CADM1: variants seen among roughly 807,000 people sequenced by gnomAD.
CADM1 encodes TSLC-1.
In CADM1, 15 loss-of-function variants were observed where a neutral mutation model predicts 53.1. The observed-to-expected ratio is 0.28, with a 90% CI of 0.19 to 0.44. CADM1 has a LOEUF of 0.44. CADM1 is among the 20% of genes least tolerant of loss of function. The pLI is 1.00. For missense variants in CADM1, 434 were observed against 611.3 expected, an observed-to-expected ratio of 0.71 and a Z score of 3.06; for synonymous variants, 281 against 243.0, an observed-to-expected ratio of 1.16 and a Z score of -1.45.
At chr11:115,377,871 T>C (rs1314710483) in intron 1 of CADM1, 6 of 152,170 alleles carry the variant, frequency 3.9e-5, no homozygotes, top group Non-Finnish European at 8.8e-5. Context: ...AGAAAAAAAC[T>C]TCTCAAAATC....
intron 1 of CADM1, 45 bp downstream of exon 1, chr11:115,504,226 T>C (rs1949800499): frequency 6.4e-7 from 1 of 1,559,048 alleles, no homozygotes; most frequent in East Asian, 2.4e-5. Context: ...GCTACTGGGG[T>C]GCCTTCGGAG....
chr11:115,475,275 A>AT (rs747796767), intron 1 of CADM1, among the ~76,000 whole-genome samples: 10 of 151,488 alleles, frequency 6.6e-5, no homozygotes, highest in South Asian at 2.1e-4. Flanking sequence ...TTTTAATTTT[A>AT]TTTTTTTTCC....
chr11:115,446,141 T>C (rs754679982), intron 1 of CADM1, among the ~76,000 whole-genome samples: 2 of 152,188 alleles, frequency 1.3e-5, no homozygotes, highest in Non-Finnish European at 2.9e-5. Flanking sequence ...CTATCATTTA[T>C]AGAACACCTA....
chr11:115,422,542 G>A (rs1337741366), intron 1 of CADM1, among the ~76,000 whole-genome samples: 2 of 152,110 alleles, frequency 1.3e-5, no homozygotes, highest in Non-Finnish European at 2.9e-5. Context: ...TCTCAACAGG[G>A]ACAACATGGC....
intron 1 of CADM1, among the ~76,000 whole-genome samples, chr11:115,257,453 T>C (rs1942827569): frequency 6.6e-6 from 1 of 152,236 alleles, no homozygotes; most frequent in South Asian, 2.1e-4. Context: ...CTTCCTGACA[T>C]GTCAAAAGCA....
chr11:115,209,862 A>C (rs917269777), intron 7 of CADM1, among the ~76,000 whole-genome samples: 3 of 152,136 alleles, frequency 2.0e-5, no homozygotes, highest in African/African-American at 7.2e-5. Flanking sequence ...AAGAAAAGAG[A>C]ATTTTCATTA....
chr11:115,422,717 T>C (rs1047895243), intron 1 of CADM1, among the ~76,000 whole-genome samples: 11 of 152,196 alleles, frequency 7.2e-5, no homozygotes, highest in Admixed American at 1.3e-4. Context: ...TTTGAAAACA[T>C]AAGAGAAAAA....
Position 115,491,087 on chromosome 11 carries a change from T to TA in CADM1, c.124+13183dup, listed in dbSNP as rs373296241. ...ACTTAAAAGTAAATTATACTGCAAT[T>TA]AAAAAAAAAAGTTGGAAGAATTGGG... is the stretch of plus-strand genomic sequence containing the variant. On this transcript the variant is annotated intron_variant, in intron 1 of 11. Coordinates refer to ENST00000331581, the MANE Select transcript of CADM1 (RefSeq NM_001301043.2). Among the ~76,000 whole-genome samples, 248 of 148,668 alleles carry TA rather than the reference T, an allele frequency of 1.7e-3. 2 individuals carry two copies. Among genetic ancestry groups the TA allele is most frequent in the African/African-American group, 5.2e-3 (213 of 40,654 alleles).
intron 11 of CADM1, among the ~76,000 whole-genome samples, chr11:115,177,508 A>G (rs983207048): frequency 3.3e-5 from 5 of 152,154 alleles, no homozygotes; most frequent in Admixed American, 6.5e-5. Flanking sequence ...GACATTTGCT[A>G]TATTTTCAGG....
At chr11:115,236,815 G>C (rs1304087216) in intron 3 of CADM1, among the ~76,000 whole-genome samples, 1 of 152,116 alleles carries the variant, frequency 6.6e-6, no homozygotes, top group African/African-American at 2.4e-5. Flanking sequence ...CACAAAGGTT[G>C]TAATTTTAAG....
intron 1 of CADM1, among the ~76,000 whole-genome samples, chr11:115,476,594 A>C (rs1949137010): frequency 6.6e-6 from 1 of 152,194 alleles, no homozygotes; most frequent in Non-Finnish European, 1.5e-5. Flanking sequence ...CCTAGAATTA[A>C]ACATTCTGTA....
intron 1 of CADM1, among the ~76,000 whole-genome samples, chr11:115,503,117 G>C (rs543480584): frequency 6.6e-6 from 1 of 152,272 alleles, no homozygotes; most frequent in East Asian, 1.9e-4. Flanking sequence ...AGAGGACGCC[G>C]CGCGGCTGCC....
At chr11:115,226,918 G>A (rs1646277166) in intron 5 of CADM1, among the ~76,000 whole-genome samples, 1 of 152,204 alleles carries the variant, frequency 6.6e-6, no homozygotes, top group Non-Finnish European at 1.5e-5. Context: ...TAGGAGTGGA[G>A]GGTAGTGAAC....
At chr11:115,409,634 T>C (rs1031185786) in intron 1 of CADM1, among the ~76,000 whole-genome samples, 1 of 151,942 alleles carries the variant, frequency 6.6e-6, no homozygotes, top group African/African-American at 2.4e-5. Context: ...AAATCTGACC[T>C]GGTGGTCAAA....
In CADM1 at chr11:115,176,560, C is replaced by T. The variant is rs1565278271; in HGVS notation, c.1330G>A (p.Asp444Asn). ...TYFTHEAKGA[D>N]DAADADTAII... ...GCTGTGTCTGCGTCTGCTGCGTCAT[C>T]GGCTCCTTTGGCTTCATGAGTGAAG... The change falls in exon 12 of 12, where the codon GAT becomes AAT. Residue 444 changes from aspartate (D) to asparagine (N), a missense_variant. By Grantham distance (23) the Asp-to-Asn change is conservative (BLOSUM62 1). Coordinates refer to ENST00000331581, the MANE Select transcript of CADM1 (RefSeq NM_001301043.2). 3 of 1,614,072 alleles carry T rather than the reference C, an allele frequency of 1.9e-6. No homozygotes were observed. The highest frequency in any genetic ancestry group is 2.5e-6 in the Non-Finnish European group (3 of 1,179,976).
At chr11:115,493,253 C>T (rs985512957) in intron 1 of CADM1, among the ~76,000 whole-genome samples, 11 of 148,962 alleles carry the variant, frequency 7.4e-5, no homozygotes, top group African/African-American at 2.5e-4. Context: ...ATGAAACATA[C>T]CATACTGAAC....
At chr11:115,441,657 C>A (rs937482362) in intron 1 of CADM1, among the ~76,000 whole-genome samples, 1 of 152,094 alleles carries the variant, frequency 6.6e-6, no homozygotes, top group Non-Finnish European at 1.5e-5. Context: ...CACTTGGATG[C>A]TACAGGCTAA....
At chr11:115,485,608 G>A (rs1949356286) in intron 1 of CADM1, among the ~76,000 whole-genome samples, 1 of 152,138 alleles carries the variant, frequency 6.6e-6, no homozygotes, top group Non-Finnish European at 1.5e-5. Flanking sequence ...TTTATAAGGG[G>A]AAACCCCTTT....
chr11:115,386,937 G>A (rs945944652), intron 1 of CADM1, among the ~76,000 whole-genome samples: 1 of 152,156 alleles, frequency 6.6e-6, no homozygotes, highest in Non-Finnish European at 1.5e-5. Flanking sequence ...TTTATCACCA[G>A]TAAGCTAGCA....
Sources: gnomAD v4.1 joint callset for allele counts (sites outside exome capture counted in the v4.1 genomes callset) on GRCh38, gnomAD v4.1.1 for gene constraint, MANE v1.5 for transcripts, NCBI Gene and HGNC (gene_info 2026-07-23, HGNC 2026-07-21) for gene names.